Variants in PTBP3 observed in about 807,000 individuals in gnomAD.
PTBP3 encodes polypyrimidine tract binding protein 3.
Under a neutral mutation model 58.7 loss-of-function variants are expected in PTBP3, and 20 were observed. That is an observed-to-expected ratio of 0.34 (90% confidence interval 0.24 to 0.50). The LOEUF (loss-of-function observed/expected upper bound fraction) is 0.50. PTBP3 is among the 20% of genes least tolerant of loss of function. PTBP3 has a pLI of 0.98. For synonymous variants in PTBP3, 185 were observed against 219.8 expected (o/e 0.84, Z 1.40); for missense variants, 509 against 637.2 (o/e 0.80, Z 2.17).
rs1308872859 is a variant in PTBP3 at position 112,222,025 on chromosome 9, T to C, written c.*1826A>G. 1 of 938,230 alleles carries C rather than the reference T, an allele frequency of 1.1e-6. No individual in the cohort carries two copies. The highest frequency in any genetic ancestry group is 1.3e-6 in the Non-Finnish European group (1 of 786,736). The allele number at this position is 938,230 out of a possible 1,614,324, so 58.1% of individuals were successfully genotyped here. A position where few individuals can be genotyped will look rare whatever the true frequency, so the allele number is the denominator to read the frequency against. ...AACTCCTGGGCTCAAGTGATCCTCC[T>C]GCCTGTAGCCTCCTGCCTACAGGCT... On this transcript the variant is annotated 3_prime_UTR_variant, in exon 14 of 14. Coordinates refer to ENST00000374257, the MANE Select transcript of PTBP3 (RefSeq NM_001163788.4).
intron 5 of PTBP3, among the ~76,000 whole-genome samples, chr9:112,256,340 T>C (rs888882142): frequency 6.7e-6 from 1 of 148,914 alleles, no homozygotes; most frequent in Non-Finnish European, 1.5e-5. Flanking sequence ...ACTTCTACTG[T>C]ACTATATATT....
intron 1 of PTBP3, among the ~76,000 whole-genome samples, chr9:112,303,232 T>A (rs559087028): frequency 6.6e-6 from 1 of 152,192 alleles, no homozygotes; most frequent in Non-Finnish European, 1.5e-5. Flanking sequence ...ACATACCCAA[T>A]CCTATCTACT....
chr9:112,256,177 C>G (rs1294375350), intron 5 of PTBP3, among the ~76,000 whole-genome samples: 1 of 149,780 alleles, frequency 6.7e-6, no homozygotes, highest in Non-Finnish European at 1.5e-5. Flanking sequence ...TCGCTTGAAT[C>G]TGGGAGGTGG....
chr9:112,266,475 T>TC (rs1320426843), intron 4 of PTBP3, among the ~76,000 whole-genome samples: 3 of 152,204 alleles, frequency 2.0e-5, no homozygotes, highest in African/African-American at 7.2e-5. Flanking sequence ...ACATGCTGTG[T>TC]CCCAGCAATT....
At chr9:112,351,961 T>C in the PTBP3 span, among the ~76,000 whole-genome samples, 3 of 152,082 alleles carry the variant, frequency 2.0e-5, no homozygotes, top group African/African-American at 7.2e-5. Flanking sequence ...CTTTTTTTTT[T>C]TTCCCCCAAG....
intron 2 of PTBP3, among the ~76,000 whole-genome samples, chr9:112,279,920 ATT>A (rs1827784365): frequency 6.6e-6 from 1 of 151,740 alleles, no homozygotes; most frequent in Non-Finnish European, 1.5e-5. Flanking sequence ...ACACTTTTAA[ATT>A]TTTTGTCATA....
upstream of PTBP3, among the ~76,000 whole-genome samples, chr9:112,334,477 A>G (rs1347037043): frequency 1.3e-5 from 2 of 152,204 alleles, no homozygotes; most frequent in East Asian, 1.9e-4. Context: ...AAAAGTATAT[A>G]TATAATATAA....
chr9:112,292,510 A>G (rs1389395925), intron 2 of PTBP3, among the ~76,000 whole-genome samples: 1 of 152,218 alleles, frequency 6.6e-6, no homozygotes, highest in African/African-American at 2.4e-5. Flanking sequence ...ATAGCACAAT[A>G]GCTAAGAGGT....
intron 12 of PTBP3, among the ~76,000 whole-genome samples, chr9:112,225,512 A>G (rs1834950266): frequency 6.6e-6 from 1 of 152,196 alleles, no homozygotes; most frequent in Admixed American, 6.5e-5. Context: ...TAATGTGTAA[A>G]GCAATTAATG....
intron 7 of PTBP3, among the ~76,000 whole-genome samples, chr9:112,235,933 T>TA (rs1835422178): frequency 6.6e-6 from 1 of 152,018 alleles, no homozygotes; most frequent in Non-Finnish European, 1.5e-5. Context: ...AAAAGGGGGA[T>TA]AGGGAGGACC....
chr9:112,333,776 T>G (rs1292583947), upstream of PTBP3: 3 of 263,818 alleles, frequency 1.1e-5, no homozygotes, highest in Non-Finnish European at 2.0e-5. Context: ...CTCGCCCCGC[T>G]GGCAGCCGGC....
rs1836635095 is a variant in PTBP3 at position 112,262,417 on chromosome 9, GTATT to G, written c.516+14_516+17del. On this transcript the variant is annotated intron_variant, in intron 5 of 13. Coordinates refer to ENST00000374257, the MANE Select transcript of PTBP3 (RefSeq NM_001163788.4). ...CATATTTAACTTAACTTTCTTAAGG[GTATT>G]TATTCCTCCTTACCTGATGAAGAAC... The G allele has an allele frequency of 6.4e-7, 1 of 1,554,330 alleles. No individual in the cohort carries two copies. Among genetic ancestry groups the G allele is most frequent in the Non-Finnish European group, 8.7e-7 (1 of 1,155,548 alleles).
At chr9:112,231,334 C>A in intron 10 of PTBP3, 46 bp downstream of exon 10, 1 of 1,469,236 alleles carries the variant, frequency 6.8e-7, no homozygotes, top group South Asian at 1.3e-5. Context: ...GAAATGTGCT[C>A]AATTCACACC....
rs10817292 is a variant in PTBP3, at chr9:112,223,705, T to A, written c.*146A>T. ...GCAGGGGGAATACAAAAAAAAAAAA[T>A]CCCTTGATTTTTAAAATATACTTGA... On this transcript the variant is annotated 3_prime_UTR_variant, in exon 14 of 14. Transcript: ENST00000374257. 0.28 allele frequency: 370,568 copies of A among 1,321,542 alleles called. 40,349 individuals are homozygous for A. The highest frequency in any genetic ancestry group is 0.37 in the Admixed American group (11,474 of 31,056). 81.9% of individuals were successfully genotyped at this position (1,321,542 alleles called of 1,614,324 possible).
intron 2 of PTBP3, among the ~76,000 whole-genome samples, chr9:112,294,660 G>A (rs1039981784): frequency 3.3e-5 from 5 of 152,244 alleles, no homozygotes; most frequent in African/African-American, 9.6e-5. Flanking sequence ...GGAGGTTCCA[G>A]TGAATACATA....
intron 1 of PTBP3, among the ~76,000 whole-genome samples, chr9:112,324,661 T>A (rs531410785): frequency 0.011 from 1,432 of 129,448 alleles, 24 homozygotes; most frequent in African/African-American, 0.037. Flanking sequence ...TTTTTTTTTT[T>A]AAAAAAAAAC....
intron 5 of PTBP3, among the ~76,000 whole-genome samples, chr9:112,260,539 T>A (rs367663960): frequency 6.6e-5 from 10 of 152,276 alleles, no homozygotes; most frequent in African/African-American, 2.4e-4. Context: ...AGTTCAATGA[T>A]GTCGATCCTG....
At position 112,251,661 on chromosome 9, in the gene PTBP3, T is replaced by C. The variant is rs1005235713; in HGVS notation, c.628-558A>G. Among the ~76,000 whole-genome samples the C allele has an allele frequency of 9.9e-5, 15 of 152,260 alleles. No individual in the cohort carries two copies. The South Asian group carries it at 1.2e-3, about 13-fold the overall frequency. ...TAAACTGAGGAAAATGTGGAGTCAG[T>C]TGTAACCAAAGATTAGCAACCCCTT... On this transcript the variant is annotated intron_variant, in intron 6 of 13. Transcript: ENST00000374257.
At chr9:112,338,760 G>A in the PTBP3 span, among the ~76,000 whole-genome samples, 1 of 152,114 alleles carries the variant, frequency 6.6e-6, no homozygotes, top group East Asian at 1.9e-4. Flanking sequence ...TCTCCTACAT[G>A]CTCACTGACT....
Sources: allele counts gnomAD v4.1 joint callset (sites outside exome capture counted in the v4.1 genomes callset), GRCh38; gene constraint gnomAD v4.1.1; transcripts MANE v1.5; gene names NCBI Gene and HGNC (gene_info 2026-07-23, HGNC 2026-07-21).